GRID1: variants seen among roughly 807,000 people sequenced by gnomAD.
GRID1 encodes glutamate ionotropic receptor delta type subunit 1.
In GRID1, 28 loss-of-function variants were observed where a neutral mutation model predicts 98.0. That is an observed-to-expected ratio of 0.29 (90% CI 0.21 to 0.39). The LOEUF (loss-of-function observed/expected upper bound fraction) is 0.39, where lower values mean the gene tolerates loss of function less well. Ranked by LOEUF, GRID1 falls within the 10% of genes least tolerant of loss-of-function variation. The probability of loss-of-function intolerance (pLI) is 1.00; values close to 1 mark genes in which losing one functional copy is unlikely to be tolerated. For synonymous variants in GRID1, 553 were observed against 538.5 expected (o/e 1.03, Z -0.37); for missense variants, 1,111 against 1,340.5 (o/e 0.83, Z 2.67).
chr10:85,777,858 CA>C (rs769343852), intron 8 of GRID1, among the ~76,000 whole-genome samples: 1 of 152,156 alleles, frequency 6.6e-6, no homozygotes, highest in Non-Finnish European at 1.5e-5. Context: ...GACAGGCATT[CA>C]GCAATCATCA....
intron 2 of GRID1, among the ~76,000 whole-genome samples, chr10:86,294,255 G>A (rs968977810): frequency 4.6e-5 from 7 of 152,186 alleles, no homozygotes; most frequent in Admixed American, 2.0e-4. Context: ...AGGGCAGTGA[G>A]CCCTGAGGCC....
At chr10:85,935,259 G>A (rs7923344) in intron 4 of GRID1, among the ~76,000 whole-genome samples, 61,696 of 151,968 alleles carry the variant, frequency 0.41, 12,678 homozygotes, top group South Asian at 0.45. Context: ...AAGTCTGCTC[G>A]TGGCCAAAGA....
intron 8 of GRID1, among the ~76,000 whole-genome samples, chr10:85,765,010 C>T (rs1488572971): frequency 6.6e-6 from 1 of 152,108 alleles, no homozygotes; most frequent in African/African-American, 2.4e-5. Flanking sequence ...CATCTTTATA[C>T]CTGATATTTA....
intron 12 of GRID1, among the ~76,000 whole-genome samples, chr10:85,704,939 A>G (rs1370302112): frequency 6.6e-6 from 1 of 152,222 alleles, no homozygotes; most frequent in African/African-American, 2.4e-5. Flanking sequence ...AAGACACAAC[A>G]TACCAGAATC....
At chr10:86,018,255 G>A (rs1327939089) in intron 4 of GRID1, among the ~76,000 whole-genome samples, 1 of 152,182 alleles carries the variant, frequency 6.6e-6, no homozygotes, top group South Asian at 2.1e-4. Flanking sequence ...CATGCCATGA[G>A]CCACAACCAA....
At chr10:85,876,158 T>C (rs1843329094) in intron 5 of GRID1, among the ~76,000 whole-genome samples, 1 of 152,150 alleles carries the variant, frequency 6.6e-6, no homozygotes, top group African/African-American at 2.4e-5. Context: ...ATCATAAACT[T>C]AGTGCTTCAG....
chr10:86,318,448 G>C (rs1482109241), intron 2 of GRID1, among the ~76,000 whole-genome samples: 1 of 152,208 alleles, frequency 6.6e-6, no homozygotes, highest in Non-Finnish European at 1.5e-5. Context: ...GCCTGCCAGG[G>C]CCAGCCCACA....
chr10:85,673,427 A>G (rs74370516), intron 12 of GRID1, among the ~76,000 whole-genome samples: 5,622 of 152,324 alleles, frequency 0.037, 136 homozygotes, highest in Middle Eastern at 0.048. Context: ...ACAACATCAC[A>G]TGCTACAGAG....
At chr10:86,036,273 C>G (rs1340104429) in intron 4 of GRID1, among the ~76,000 whole-genome samples, 1 of 152,184 alleles carries the variant, frequency 6.6e-6, no homozygotes, top group Non-Finnish European at 1.5e-5. Context: ...CAGATGCTGT[C>G]CTGGGATTTC....
chr10:85,906,497 G>A (rs1841463227), intron 5 of GRID1, among the ~76,000 whole-genome samples: 1 of 152,006 alleles, frequency 6.6e-6, no homozygotes, highest in African/African-American at 2.4e-5. Context: ...ACAATATACT[G>A]GCTATCAAAT....
intron 2 of GRID1, among the ~76,000 whole-genome samples, chr10:86,346,763 G>A (rs188243509): frequency 6.6e-6 from 1 of 152,324 alleles, no homozygotes; most frequent in East Asian, 1.9e-4. Flanking sequence ...GGGCAAGGCT[G>A]CTGGCCCAGG....
intron 4 of GRID1, among the ~76,000 whole-genome samples, chr10:86,074,669 G>A (rs1257764031): frequency 4.6e-5 from 7 of 152,200 alleles, no homozygotes; most frequent in African/African-American, 1.7e-4. Context: ...TAGGGGTCAA[G>A]TAACCCTTTG....
chr10:86,184,636 T>C (rs1350791293), intron 3 of GRID1, among the ~76,000 whole-genome samples: 3 of 152,114 alleles, frequency 2.0e-5, no homozygotes, highest in African/African-American at 7.2e-5. Context: ...TATCTCTCTA[T>C]GTTCACACAA....
At chr10:85,715,870 C>A (rs752338345) in intron 12 of GRID1, among the ~76,000 whole-genome samples, 2 of 151,888 alleles carry the variant, frequency 1.3e-5, no homozygotes, top group East Asian at 1.9e-4. Flanking sequence ...ATGTTCATTG[C>A]AGCATTATTA....
chr10:85,698,612 A>C (rs538384017), intron 12 of GRID1, among the ~76,000 whole-genome samples: 4 of 152,344 alleles, frequency 2.6e-5, no homozygotes, highest in Non-Finnish European at 5.9e-5. Context: ...ATTATAAATA[A>C]AGCAGCTATA....
chr10:86,271,747 A>G (rs1488263555), intron 2 of GRID1, among the ~76,000 whole-genome samples: 1 of 152,246 alleles, frequency 6.6e-6, no homozygotes, highest in Non-Finnish European at 1.5e-5. Flanking sequence ...TAATCAAAAA[A>G]GAGAAAAGAA....
intron 8 of GRID1, among the ~76,000 whole-genome samples, chr10:85,786,683 T>G (rs1842432242): frequency 6.6e-6 from 1 of 152,234 alleles, no homozygotes; most frequent in African/African-American, 2.4e-5. Flanking sequence ...TAAAATGGAC[T>G]GTAATTATTG....
intron 15 of GRID1, among the ~76,000 whole-genome samples, chr10:85,604,765 C>A (rs1441264553): frequency 6.6e-6 from 1 of 152,144 alleles, no homozygotes; most frequent in African/African-American, 2.4e-5. Context: ...ATTTTATTTG[C>A]TTTGTTTTCA....
intron 8 of GRID1, among the ~76,000 whole-genome samples, chr10:85,801,344 A>G (rs2132752928): frequency 6.6e-6 from 1 of 152,046 alleles, no homozygotes; most frequent in Non-Finnish European, 1.5e-5. Context: ...CAAAAGGAGC[A>G]TACTGTAACT....
Sources: gnomAD v4.1 joint callset for allele counts (sites outside exome capture counted in the v4.1 genomes callset) on GRCh38, gnomAD v4.1.1 for gene constraint, MANE v1.5 for transcripts, NCBI Gene and HGNC (gene_info 2026-07-23, HGNC 2026-07-21) for gene names.